Variants in PLSCR2 observed in about 807,000 individuals in gnomAD.
PLSCR2 encodes the protein PL scramblase 2.
Under a neutral mutation model 25.3 loss-of-function variants are expected in PLSCR2, and 18 were observed. That is an observed-to-expected ratio of 0.71 (90% CI 0.49 to 1.06). The LOEUF (loss-of-function observed/expected upper bound fraction) is 1.06. PLSCR2 is among the 50% of genes least tolerant of loss of function. PLSCR2 has a pLI of 0.00. For missense variants in PLSCR2, 243 were observed against 269.5 expected (o/e 0.90, Z 0.69); for synonymous variants, 88 against 87.3 (o/e 1.01, Z -0.04).
intron 1 of PLSCR2, among the ~76,000 whole-genome samples, chr3:146,483,654 T>G (rs553376736): frequency 2.6e-5 from 4 of 151,016 alleles, no homozygotes; most frequent in Admixed American, 2.6e-4. Context: ...GAATAGGGCC[T>G]GAAGTAAACC....
At chr3:146,440,078 T>C (rs1444296961), downstream of PLSCR2, among the ~76,000 whole-genome samples, 1 of 152,216 alleles carries the variant, frequency 6.6e-6, no homozygotes, top group Non-Finnish European at 1.5e-5. Flanking sequence ...CAGTGGAGGC[T>C]GCAGAACAGC....
At chr3:146,421,792 G>T (rs2039162656) in intron 2 of PLSCR2, among the ~76,000 whole-genome samples, 1 of 152,104 alleles carries the variant, frequency 6.6e-6, no homozygotes, top group Admixed American at 6.6e-5. Context: ...GTGCAAATGG[G>T]GACCTTTGGG....
downstream of PLSCR2, among the ~76,000 whole-genome samples, chr3:146,437,565 T>A (rs1458579091): frequency 1.3e-5 from 2 of 152,102 alleles, no homozygotes; most frequent in African/African-American, 2.4e-5. Context: ...TGCATAGAGG[T>A]GTTTATAGTA....
intron 2 of PLSCR2, among the ~76,000 whole-genome samples, chr3:146,415,357 A>T (rs933271304): frequency 5.9e-5 from 9 of 152,112 alleles, no homozygotes; most frequent in African/African-American, 2.2e-4. Context: ...TTACTTCACC[A>T]TGGAAACAGG....
chr3:146,478,641 G>A (rs1339590573), intron 1 of PLSCR2, among the ~76,000 whole-genome samples: 2 of 152,176 alleles, frequency 1.3e-5, no homozygotes, highest in Non-Finnish European at 2.9e-5. Context: ...AAGTGACGAG[G>A]AGAATTGAAC....
intron 1 of PLSCR2, among the ~76,000 whole-genome samples, chr3:146,484,604 C>T (rs1393642030): frequency 2.0e-5 from 3 of 152,088 alleles, no homozygotes; most frequent in Non-Finnish European, 1.5e-5. Context: ...AAGAGAAACC[C>T]TATAAGCCAG....
chr3:146,454,804 T>A (rs1474892046), intron 4 of PLSCR2, among the ~76,000 whole-genome samples: 1 of 152,198 alleles, frequency 6.6e-6, no homozygotes, highest in Non-Finnish European at 1.5e-5. Flanking sequence ...GTTCTAGGTT[T>A]GTCCCTTACT....
intron 2 of PLSCR2, among the ~76,000 whole-genome samples, chr3:146,407,480 C>T (rs1356369938): frequency 5.3e-5 from 8 of 152,132 alleles, no homozygotes; most frequent in Non-Finnish European, 8.8e-5. Flanking sequence ...CAAGTTTTCT[C>T]GGAGACGGTG....
At chr3:146,476,685 G>A (rs984435255) in intron 1 of PLSCR2, among the ~76,000 whole-genome samples, 2 of 152,220 alleles carry the variant, frequency 1.3e-5, no homozygotes, top group Admixed American at 1.3e-4. Flanking sequence ...CCCGGCTGGT[G>A]CCTGGGAGAC....
intron 2 of PLSCR2, chr3:146,415,060 G>A (rs1001696496): frequency 6.6e-6 from 1 of 152,566 alleles, no homozygotes; most frequent in African/African-American, 2.4e-5. Flanking sequence ...TATGGGGGTT[G>A]ATCTAACTAC....
chr3:146,485,995 G>A (rs1560057889), intron 1 of PLSCR2, among the ~76,000 whole-genome samples: 1 of 152,030 alleles, frequency 6.6e-6, no homozygotes, highest in African/African-American at 2.4e-5. Context: ...ATCTCTTATG[G>A]TCTCTCCCAC....
chr3:146,458,360 G>T, intron 3 of PLSCR2, 51 bp downstream of exon 3: 1 of 1,410,900 alleles, frequency 7.1e-7, no homozygotes, highest in Admixed American at 2.5e-5. Flanking sequence ...ATCTTTATTT[G>T]CATAAACTTC....
At chr3:146,462,250 A>C (rs2108432147), upstream of PLSCR2, among the ~76,000 whole-genome samples, 1 of 151,862 alleles carries the variant, frequency 6.6e-6, no homozygotes, top group East Asian at 1.9e-4. Flanking sequence ...CTGTTTTCAC[A>C]GTAGAATTGA....
chr3:146,436,724 G>A (rs1262503630), intron 8 of PLSCR2, among the ~76,000 whole-genome samples: 1 of 124,218 alleles, frequency 8.1e-6, no homozygotes, highest in East Asian at 2.7e-4. Flanking sequence ...TTGCAAACAG[G>A]GACAATTTGA....
intron 2 of PLSCR2, among the ~76,000 whole-genome samples, chr3:146,426,441 C>T (rs1482444345): frequency 6.6e-6 from 1 of 152,114 alleles, no homozygotes; most frequent in Non-Finnish European, 1.5e-5. Flanking sequence ...ATTCTCTTAA[C>T]TGATCTTCAC....
At chr3:146,478,666 C>G (rs1470993752) in intron 1 of PLSCR2, among the ~76,000 whole-genome samples, 2 of 152,214 alleles carry the variant, frequency 1.3e-5, no homozygotes, top group Non-Finnish European at 2.9e-5. Flanking sequence ...TTAGAAAACA[C>G]TCTTCAGGAT....
At chr3:146,426,491 A>G (rs534515370) in intron 2 of PLSCR2, among the ~76,000 whole-genome samples, 2 of 152,190 alleles carry the variant, frequency 1.3e-5, no homozygotes, top group South Asian at 4.1e-4. Flanking sequence ...ACTCTCTATA[A>G]AACCTACCCA....
chr3:146,438,826 G>A (rs1220082897), downstream of PLSCR2, among the ~76,000 whole-genome samples: 6 of 152,226 alleles, frequency 3.9e-5, no homozygotes, highest in Admixed American at 2.0e-4. Flanking sequence ...TATGATGTTA[G>A]CTGGTTATTT....
At chr3:146,396,795 G>A (rs970314379) in intron 2 of PLSCR2, among the ~76,000 whole-genome samples, 1 of 152,044 alleles carries the variant, frequency 6.6e-6, no homozygotes, top group Non-Finnish European at 1.5e-5. Context: ...AGGAATATGG[G>A]AAACGAGAAA....
Sources: gnomAD v4.1 joint callset for allele counts (sites outside exome capture counted in the v4.1 genomes callset) on GRCh38, gnomAD v4.1.1 for gene constraint, MANE v1.5 for transcripts, NCBI Gene and HGNC (gene_info 2026-07-23, HGNC 2026-07-21) for gene names.